Variants in COG7 observed in about 807,000 individuals in gnomAD.
The protein encoded by COG7 is component of oligomeric golgi complex 7, also known as conserved oligomeric Golgi complex subunit 7.
In COG7, 49 loss-of-function variants were observed where a neutral mutation model predicts 91.5. The observed-to-expected ratio is 0.54, with a 90% CI of 0.43 to 0.68. The LOEUF is 0.68. Among genes scored for constraint, COG7 ranks in the 30% least tolerant of loss-of-function variants. COG7 has a pLI of 0.00. For missense variants in COG7, 895 were observed against 961.3 expected (o/e 0.93, Z 0.91); for synonymous variants, 365 against 388.7 (o/e 0.94, Z 0.72).
intron 6 of COG7, among the ~76,000 whole-genome samples, chr16:23,425,937 G>C (rs557341394): frequency 6.6e-6 from 1 of 152,154 alleles, no homozygotes; most frequent in African/African-American, 2.4e-5. Context: ...CTATGGGCCA[G>C]GTGTGGTGGC....
Position 23,413,488 on chromosome 16 carries a change from G to A in COG7, c.1369C>T (p.Leu457Phe). 1 of 1,611,964 alleles carries A rather than the reference G, an allele frequency of 6.2e-7. No homozygotes were observed. Among genetic ancestry groups the A allele is most frequent in the Non-Finnish European group, 8.5e-7 (1 of 1,178,008 alleles). ...CKLDHIPPNS[L>F]FQEDWTAFQN... ...AAAGCCGTCCAATCTTCCTGGAAGA[G>A]GGAGTTGGGAGGAATGTGGTCCAGT... The change falls in exon 10 of 17, where the codon CTC (leucine) becomes TTC (phenylalanine). Residue 457 changes from leucine to phenylalanine, a missense_variant. Coordinates refer to ENST00000307149, the MANE Select transcript of COG7 (RefSeq NM_153603.4).
Position 23,433,613 on chromosome 16 carries a change from G to C in COG7, c.742C>G (p.Arg248Gly). The C allele has an allele frequency of 6.2e-7, 1 of 1,614,012 alleles. No homozygotes were observed. Among genetic ancestry groups the C allele is most frequent in the Non-Finnish European group, 8.5e-7 (1 of 1,180,000 alleles). ...GCATCATAGAGTCCGGTAAGCTGCC[G>C]GTCCAGGGATAGGTCACTTTGACAC... ...ELCQSDLSLD[R>G]QLTGLYDALL... is the part of the protein sequence containing the mutation. Residue 248 changes from arginine (R) to glycine (G), a missense_variant, in exon 6 of 17, where the codon CGG (arginine) becomes GGG (glycine). Physicochemically the swap from Arg to Gly is moderately radical, Grantham distance 125. Coordinates refer to ENST00000307149, the MANE Select transcript of COG7 (RefSeq NM_153603.4).
At chr16:23,404,789 G>A (rs1296840495) in intron 12 of COG7, among the ~76,000 whole-genome samples, 3 of 152,208 alleles carry the variant, frequency 2.0e-5, no homozygotes, top group East Asian at 3.8e-4. Flanking sequence ...GTGTGGTGGC[G>A]CATGCCTATA....
intron 13 of COG7, among the ~76,000 whole-genome samples, chr16:23,403,441 A>G (rs747087780): frequency 1.3e-5 from 2 of 152,246 alleles, no homozygotes; most frequent in Non-Finnish European, 2.9e-5. Flanking sequence ...TGCTCCAAAT[A>G]GGGAAAGTTA....
intron 6 of COG7, 150 bp from the exon 7 acceptor site, chr16:23,425,097 G>A (rs1963824443): frequency 1.4e-6 from 1 of 690,324 alleles, no homozygotes; most frequent in Non-Finnish European, 2.5e-6. Context: ...ATCACTTGAA[G>A]CCAGGAGTTC....
In COG7 at chr16:23,401,993, G is replaced by A. The variant is rs556810035; in HGVS notation, c.1803+1701C>T. On this transcript the variant is annotated intron_variant, in intron 13 of 16. Transcript: ENST00000307149. The stretch of plus-strand genomic sequence containing the variant: ...GATCACTTGAACCCAGGCAGCAGAG[G>A]TTGTAGTGAGCCAAGATTGTGCCAC... Among the ~76,000 whole-genome samples the A allele has an allele frequency of 2.0e-5, 3 of 152,228 alleles. No homozygotes were observed. In the South Asian group the frequency reaches 6.2e-4, roughly 32 times the overall value.
intron 6 of COG7, among the ~76,000 whole-genome samples, chr16:23,432,747 C>A (rs944641592): frequency 2.0e-5 from 3 of 152,106 alleles, no homozygotes; most frequent in Admixed American, 2.0e-4. Context: ...TCTCCTCACT[C>A]CTAGTCAGGG....
chr16:23,413,461 G>A lies in COG7; in HGVS notation c.1396C>T (p.Gln466Ter). The A allele has an allele frequency of 6.3e-7, 1 of 1,593,436 alleles. No homozygotes were observed. The highest frequency in any genetic ancestry group is 8.6e-7 in the Non-Finnish European group (1 of 1,161,040). The change falls in exon 10 of 17, where the codon CAG becomes TAG. Residue 466 changes from glutamine to a stop codon, truncating the protein, a stop_gained. Transcript: ENST00000307149. LOFTEE classifies it high-confidence loss of function. The part of the protein sequence containing the change: ...SLFQEDWTAF[Q>*]NSIRIIATCG... Reference sequence around the variant, plus strand: ...CCCCCGGTTTACCTAATGGAGTTCTGAAAAGCCGTCCAATCTTCCTGGAAG... The same window carrying A: ...CCCCCGGTTTACCTAATGGAGTTCTAAAAAGCCGTCCAATCTTCCTGGAAG...
At position 23,416,986 on chromosome 16, in the gene COG7, G is replaced by A; in HGVS notation, c.1273C>T (p.Leu425=). The change falls in exon 9 of 17, where the codon CTG becomes TTG. Residue 425 remains leucine (L), a synonymous_variant. Transcript: ENST00000307149. ...GLGTCGLLSA[L]KSLFAKYVSD... is the part of the protein sequence containing the mutation. ...CCTTACTTGGCAAAGAGGGATTTCA[G>A]GGCTGACAACAGGCCGCAGGTCCCC... 1 of 1,614,196 alleles carries A rather than the reference G, an allele frequency of 6.2e-7. No individual in the cohort carries two copies. Among genetic ancestry groups the A allele is most frequent in the South Asian group, 1.1e-5 (1 of 91,074 alleles).
At chr16:23,398,726 A>C (rs1356452746) in intron 13 of COG7, among the ~76,000 whole-genome samples, 1 of 152,066 alleles carries the variant, frequency 6.6e-6, no homozygotes. Context: ...TCTGTTTCTC[A>C]ACTCATCAGA....
At chr16:23,438,572 C>T (rs1964048606) in intron 4 of COG7, among the ~76,000 whole-genome samples, 1 of 151,482 alleles carries the variant, frequency 6.6e-6, no homozygotes, top group Admixed American at 6.6e-5. Context: ...AACAACAAAA[C>T]AAAACAAAAA....
chr16:23,447,076 C>T (rs1359075049), intron 1 of COG7: 2 of 152,112 alleles, frequency 1.3e-5, no homozygotes, highest in Non-Finnish European at 2.9e-5. Flanking sequence ...ATACCCATTA[C>T]TCATCATCTT....
chr16:23,413,451 A>AT lies in COG7; in HGVS notation c.1405dup (p.Ile469AsnfsTer2), dbSNP rs764180861. 1 of 1,513,718 alleles carries AT rather than the reference A, an allele frequency of 6.6e-7. No individual in the cohort carries two copies. The highest frequency in any genetic ancestry group is 2.3e-5 in the East Asian group (1 of 44,442). The allele number at this position is 1,513,718 out of a possible 1,614,324, so 93.8% of individuals were successfully genotyped here. A position where few individuals can be genotyped will look rare whatever the true frequency, so the allele number is the denominator to read the frequency against. On this transcript the variant is annotated frameshift_variant, in exon 10 of 17. Coordinates refer to ENST00000307149, the MANE Select transcript of COG7 (RefSeq NM_153603.4). LOFTEE classifies it high-confidence loss of function. ...TGAATTACAACCCCCGGTTTACCTAATGGAGTTCTGAAAAGCCGTCCAATC... is the reference window on the plus strand; with the variant it reads ...TGAATTACAACCCCCGGTTTACCTAATTGGAGTTCTGAAAAGCCGTCCAATC...
rs1040002213 is a variant in COG7 at position 23,452,708 on chromosome 16, C to G, written c.169+118G>C. ...AGGAGTTCGGGGCTTGCTCTTTTGC[C>G]GAGGGTATTTGCTGTCCATGCGTGC... On this transcript the variant is annotated intron_variant, in intron 1 of 16. Coordinates refer to ENST00000307149, the MANE Select transcript of COG7 (RefSeq NM_153603.4). The G allele has an allele frequency of 1.0e-5, 15 of 1,475,106 alleles. No individual in the cohort carries two copies. The African/African-American group carries it at 1.1e-4, about 11-fold the overall frequency. The allele number at this position is 1,475,106 out of a possible 1,614,324, so 91.4% of individuals were successfully genotyped here.
chr16:23,406,411 C>T, intron 11 of COG7, 149 bp from the exon 12 acceptor site: 1 of 746,512 alleles, frequency 1.3e-6, no homozygotes, highest in Non-Finnish European at 2.3e-6. Flanking sequence ...CGAAAGGCTG[C>T]CCTTCATCAT....
intron 4 of COG7, chr16:23,441,716 A>C (rs537214866): frequency 6.6e-6 from 1 of 152,182 alleles, no homozygotes; most frequent in Non-Finnish European, 1.5e-5. Flanking sequence ...CCTTTACAGG[A>C]AATGTTTGTC....
intron 10 of COG7, chr16:23,413,085 C>T (rs961174383): frequency 2.5e-5 from 7 of 277,608 alleles, no homozygotes; most frequent in African/African-American, 4.5e-5. Context: ...AAACAGGATC[C>T]GATCACCTAT....
chr16:23,451,988 C>T (rs754806857), intron 1 of COG7, among the ~76,000 whole-genome samples: 6 of 152,074 alleles, frequency 3.9e-5, no homozygotes, highest in Non-Finnish European at 7.3e-5. Context: ...CAGACTCGTG[C>T]TCCTAGATTA....
At chr16:23,444,074 C>A (rs1250348728) in intron 3 of COG7, among the ~76,000 whole-genome samples, 7 of 151,320 alleles carry the variant, frequency 4.6e-5, no homozygotes, top group Admixed American at 1.3e-4. Context: ...ATCACTTGAA[C>A]CCAGGAAGTG....
Sources: gnomAD v4.1 joint callset for allele counts (sites outside exome capture counted in the v4.1 genomes callset) on GRCh38, gnomAD v4.1.1 for gene constraint, MANE v1.5 for transcripts, NCBI Gene and HGNC (gene_info 2026-07-23, HGNC 2026-07-21) for gene names.